The following HIPK2 variants were observed in gnomAD, a reference collection of about 807,000 sequenced individuals.
HIPK2 encodes the protein homeodomain interacting protein kinase 2, also known as homeodomain-interacting protein kinase 2.
Under a neutral mutation model 113.7 loss-of-function variants are expected in HIPK2, and 27 were observed. The ratio of observed to expected loss-of-function variants is 0.24; its 90% CI spans 0.17 to 0.33. The LOEUF is 0.33. Ranked by LOEUF, HIPK2 falls within the 10% of genes least tolerant of loss-of-function variation. The pLI, the probability that HIPK2 is intolerant of heterozygous loss-of-function variation, is 1.00. For missense variants in HIPK2, 1,257 were observed against 1,588.0 expected, an observed-to-expected ratio of 0.79 and a Z score of 3.54; for synonymous variants, 631 against 642.2, an observed-to-expected ratio of 0.98 and a Z score of 0.26.
intron 2 of HIPK2, among the ~76,000 whole-genome samples, chr7:139,663,413 A>G (rs1307639188): frequency 6.6e-6 from 1 of 150,416 alleles, no homozygotes; most frequent in Non-Finnish European, 1.5e-5. Context: ...TGGCTCTGCC[A>G]CTGATGAGCT....
chr7:139,678,167 G>A (rs1180109960), intron 2 of HIPK2, among the ~76,000 whole-genome samples: 2 of 152,130 alleles, frequency 1.3e-5, no homozygotes, highest in East Asian at 3.8e-4. Context: ...CCATTCTGTA[G>A]GTTGCCTGCT....
chr7:139,772,381 T>C (rs773588138), intron 1 of HIPK2, among the ~76,000 whole-genome samples: 59 of 152,354 alleles, frequency 3.9e-4, no homozygotes, highest in Non-Finnish European at 6.5e-4. Flanking sequence ...TGAGAACTTG[T>C]GCAAATAAGA....
rs1193150198 is a variant in HIPK2 at position 139,720,477 on chromosome 7, A to G, written c.20-3462T>C. On this transcript the variant is annotated intron_variant, in intron 1 of 14. Coordinates refer to ENST00000406875, the MANE Select transcript of HIPK2 (RefSeq NM_022740.5). The stretch of plus-strand genomic sequence containing the variant: ...AGGAATCCTCGTGCCTGACAAGACT[A>G]TTCTGGCTTGCTTATTCAGAATCCG... Among the ~76,000 whole-genome samples, 3 of 152,208 alleles carry G rather than the reference A, an allele frequency of 2.0e-5. No individual in the cohort carries two copies. The East Asian group carries it at 5.8e-4, about 29-fold the overall frequency.
At chr7:139,725,946 A>ATGAG (rs1795561979) in intron 1 of HIPK2, among the ~76,000 whole-genome samples, 1 of 152,316 alleles carries the variant, frequency 6.6e-6, no homozygotes, top group Admixed American at 6.5e-5. Context: ...AAACAACGAG[A>ATGAG]TGAGTCCCAC....
At position 139,623,517 on chromosome 7, in the gene HIPK2, C is replaced by CAAAAAAAAA. The variant is rs771370297; in HGVS notation, c.1620-2963_1620-2955dup. 2.4e-4 allele frequency among the ~76,000 whole-genome samples: 18 copies of CAAAAAAAAA among 73,834 alleles called. 1 individual carries two copies. Among genetic ancestry groups the CAAAAAAAAA allele is most frequent in the East Asian group, 6.2e-4 (1 of 1,608 alleles). 48.4% of individuals were successfully genotyped at this position (73,834 alleles called of 152,430 possible). ...TGTGCAACAGAGTGAGACTCTACTT[C>CAAAAAAAAA]AAAAAAAAAAAAAAAAAAAAAGAAA... On this transcript the variant is annotated intron_variant, in intron 6 of 14. Coordinates refer to ENST00000406875, the MANE Select transcript of HIPK2 (RefSeq NM_022740.5).
intron 10 of HIPK2, among the ~76,000 whole-genome samples, chr7:139,601,540 G>A (rs1297272344): frequency 6.6e-6 from 1 of 152,206 alleles, no homozygotes; most frequent in Non-Finnish European, 1.5e-5. Context: ...CACGCTTGCT[G>A]AATGAATAAT....
In HIPK2 at chr7:139,683,179, C is replaced by T. The variant is rs886731474; in HGVS notation, c.1103+32753G>A. ...CCTGGCTCTCACCTCGGAGCCTGGA[C>T]GTGACCTGCTTCATGCTTAACTATA... is the stretch of plus-strand genomic sequence containing the variant. On this transcript the variant is annotated intron_variant, in intron 2 of 14. Transcript: ENST00000406875. This position sits in a 1 kb window ranked among gnomAD's most constrained non-coding sequence, Gnocchi z 4.2. Among the ~76,000 whole-genome samples the T allele has an allele frequency of 8.5e-5, 13 of 152,176 alleles. No individual in the cohort carries two copies. The highest frequency in any genetic ancestry group is 2.1e-4 in the South Asian group (1 of 4,822).
intron 12 of HIPK2, among the ~76,000 whole-genome samples, chr7:139,585,060 T>G (rs1247744237): frequency 6.6e-6 from 1 of 152,252 alleles, no homozygotes; most frequent in Non-Finnish European, 1.5e-5. Flanking sequence ...GTGTGCTTAT[T>G]TAAGACTTTA....
chr7:139,637,593 A>C (rs756527729), intron 2 of HIPK2, among the ~76,000 whole-genome samples: 2 of 152,108 alleles, frequency 1.3e-5, no homozygotes, highest in African/African-American at 4.8e-5. Context: ...TAGTCTTCAT[A>C]TAGGGTGCCA....
At position 139,566,942 on chromosome 7, in the gene HIPK2, A is replaced by G. The variant is rs1326275448; in HGVS notation, c.*5985T>C. ...AGCCCTGCAGGGGGCACTTCTCTGC[A>G]AACTCTCACTGGGTTTGAGGGAAGA... is the stretch of plus-strand genomic sequence containing the variant. On this transcript the variant is annotated 3_prime_UTR_variant, in exon 15 of 15. Transcript: ENST00000406875. The surrounding 1 kb of genome is among the most constrained non-coding windows in gnomAD (Gnocchi z 4.1). 1 of 152,214 alleles carries G rather than the reference A, an allele frequency of 6.6e-6. No homozygotes were observed. The highest frequency in any genetic ancestry group is 2.4e-5 in the African/African-American group (1 of 41,448). 9.4% of individuals were successfully genotyped at this position (152,214 alleles called of 1,614,324 possible). A position where few individuals can be genotyped will look rare whatever the true frequency, so the allele number is the denominator to read the frequency against.
rs1585212451 is a variant in HIPK2, at chr7:139,563,914, A to C, written c.*9013T>G. ...GGTGGTGGCACAAGAGAAAACATAA[A>C]AGAAACCAAGACTCAGGGAAACTGC... On this transcript the variant is annotated 3_prime_UTR_variant, in exon 15 of 15. Transcript: ENST00000406875. 1.0e-5 allele frequency: 4 copies of C among 398,576 alleles called. No homozygotes were observed. In the East Asian group the frequency reaches 1.4e-4, roughly 14 times the overall value. The allele number at this position is 398,576 out of a possible 1,614,324, so 24.7% of individuals were successfully genotyped here.
chr7:139,671,723 T>C (rs1437792878), intron 2 of HIPK2, among the ~76,000 whole-genome samples: 1 of 152,226 alleles, frequency 6.6e-6, no homozygotes, highest in Non-Finnish European at 1.5e-5. Flanking sequence ...CTAATTTTTT[T>C]GCATTTTTAG....
intron 1 of HIPK2, among the ~76,000 whole-genome samples, chr7:139,752,141 C>T (rs1796288585): frequency 1.3e-5 from 2 of 152,166 alleles, no homozygotes; most frequent in Non-Finnish European, 2.9e-5. Context: ...TAAGAGACAC[C>T]AGCCATGCAT....
rs771233022 is a variant in HIPK2, at chr7:139,683,422, G to C, written c.1103+32510C>G. 1.7e-4 allele frequency among the ~76,000 whole-genome samples: 26 copies of C among 152,166 alleles called. No homozygotes were observed. Among genetic ancestry groups the C allele is most frequent in the Non-Finnish European group, 3.4e-4 (23 of 68,036 alleles). On this transcript the variant is annotated intron_variant, in intron 2 of 14. Transcript: ENST00000406875. The surrounding 1 kb of genome is among the most constrained non-coding windows in gnomAD (Gnocchi z 4.2). ...TTTCCAAGCTCCCCAAGGCAGCTGCGGTCTGTGAGCCTCAGCTCCTCCCTA... is the reference window on the plus strand; with the variant it reads ...TTTCCAAGCTCCCCAAGGCAGCTGCCGTCTGTGAGCCTCAGCTCCTCCCTA...
At chr7:139,774,089 T>G (rs942797178) in intron 1 of HIPK2, among the ~76,000 whole-genome samples, 2 of 152,232 alleles carry the variant, frequency 1.3e-5, no homozygotes, top group Non-Finnish European at 2.9e-5. Context: ...GGGTTTATTG[T>G]TGCTGGTGCC....
At chr7:139,591,133 C>T (rs1233242461) in intron 12 of HIPK2, among the ~76,000 whole-genome samples, 1 of 152,200 alleles carries the variant, frequency 6.6e-6, no homozygotes, top group Non-Finnish European at 1.5e-5. Context: ...AGGTGTGAGC[C>T]ACCATGCCTG....
intron 10 of HIPK2, among the ~76,000 whole-genome samples, chr7:139,601,275 T>A (rs1203482902): frequency 6.6e-6 from 1 of 151,906 alleles, no homozygotes; most frequent in Admixed American, 6.6e-5. Flanking sequence ...CTTAATTTTA[T>A]AAAAAAAATT....
At chr7:139,678,020 T>C (rs914066619) in intron 2 of HIPK2, among the ~76,000 whole-genome samples, 1 of 152,236 alleles carries the variant, frequency 6.6e-6, no homozygotes, top group Non-Finnish European at 1.5e-5. Flanking sequence ...GATGTCTTCT[T>C]TCGAGAAGTG....
chr7:139,585,013 G>A (rs1185673652), intron 12 of HIPK2, among the ~76,000 whole-genome samples: 1 of 152,220 alleles, frequency 6.6e-6, no homozygotes, highest in Non-Finnish European at 1.5e-5. Context: ...TCAGTGAGAG[G>A]CTGCTGGCAT....
Sources: allele counts gnomAD v4.1 joint callset (sites outside exome capture counted in the v4.1 genomes callset), GRCh38; gene constraint gnomAD v4.1.1; non-coding constraint Gnocchi (gnomAD v3.1); transcripts MANE v1.5; gene names NCBI Gene and HGNC (gene_info 2026-07-23, HGNC 2026-07-21).